TDG: variants seen among roughly 807,000 people sequenced by gnomAD.
The protein encoded by TDG is G/T mismatch-specific thymine DNA glycosylase.
A neutral mutation model predicts 46.1 loss-of-function variants in TDG; 23 were observed. The ratio of observed to expected loss-of-function variants is 0.50; its 90% CI spans 0.36 to 0.71. The LOEUF (loss-of-function observed/expected upper bound fraction) is 0.71. TDG is among the 30% of genes least tolerant of loss of function. The pLI is 0.00. For missense variants in TDG, 304 were observed against 486.7 expected, an observed-to-expected ratio of 0.62 and a Z score of 3.53; for synonymous variants, 115 against 161.3, an observed-to-expected ratio of 0.71 and a Z score of 2.18.
At chr12:103,981,097 GTGTC>G (rs1871800649) in intron 4 of TDG, 135 bp downstream of exon 4, 1 of 701,408 alleles carries the variant, frequency 1.4e-6, no homozygotes, top group Admixed American at 2.9e-5. Context: ...TTCTGTGTGT[GTGTC>G]TGTACGTGAA....
chr12:103,967,539 C>G (rs1871099821), intron 1 of TDG, among the ~76,000 whole-genome samples: 1 of 150,630 alleles, frequency 6.6e-6, no homozygotes. Context: ...TCACTGCAAC[C>G]TCCATCACCC....
chr12:103,978,131 A>T (rs962178448), intron 2 of TDG, among the ~76,000 whole-genome samples: 1 of 152,186 alleles, frequency 6.6e-6, no homozygotes, highest in African/African-American at 2.4e-5. Flanking sequence ...GATTAGAGAC[A>T]CTGTTTGAAT....
chr12:103,981,272 T>C (rs1325646642), intron 4 of TDG, among the ~76,000 whole-genome samples: 1 of 150,322 alleles, frequency 6.7e-6, no homozygotes, highest in Admixed American at 6.7e-5. Flanking sequence ...TTTCGCTCTT[T>C]TTGCGCAGAC....
At chr12:103,976,570 A>C (rs1381844101) in intron 1 of TDG, among the ~76,000 whole-genome samples, 1 of 152,232 alleles carries the variant, frequency 6.6e-6, no homozygotes, top group Non-Finnish European at 1.5e-5. Flanking sequence ...GGACATCTTA[A>C]CCCTGTATGG....
intron 1 of TDG, among the ~76,000 whole-genome samples, chr12:103,972,463 T>G (rs371187604): frequency 8.5e-5 from 13 of 152,176 alleles, no homozygotes; most frequent in Non-Finnish European, 1.8e-4. Context: ...TTTATGAAGA[T>G]TTTTGTGTAG....
chr12:103,987,206 T>C lies in TDG; in HGVS notation c.*116T>C. The C allele has an allele frequency of 1.4e-6, 2 of 1,448,964 alleles. No individual in the cohort carries two copies. Among genetic ancestry groups the C allele is most frequent in the South Asian group, 2.6e-5 (2 of 77,424 alleles). The allele number at this position is 1,448,964 out of a possible 1,614,324, so 89.8% of individuals were successfully genotyped here. On this transcript the variant is annotated 3_prime_UTR_variant, in exon 10 of 10. Coordinates refer to ENST00000392872, the MANE Select transcript of TDG (RefSeq NM_003211.6). ...TAGTATTTTACTCTAGTGGTGTAAT[T>C]GTAATGTAGAACAGTTGTGTGGTAG...
In TDG at chr12:103,979,428, G is replaced by A. The variant is rs143017295; in HGVS notation, c.167-403G>A. Among the ~76,000 whole-genome samples, 337 of 152,126 alleles carry A rather than the reference G, an allele frequency of 2.2e-3. 7 individuals are homozygous for A. Among genetic ancestry groups the A allele is most frequent in the African/African-American group, 7.7e-3 (319 of 41,492 alleles). ...CCATTTGTGGTTTTCTACTGGGGAA[G>A]TTGAGTTAAAATGTTTCCCTTCCTT... On this transcript the variant is annotated intron_variant, in intron 2 of 9. Coordinates refer to ENST00000392872, the MANE Select transcript of TDG (RefSeq NM_003211.6).
chr12:103,983,315 AAAG>A lies in TDG; in HGVS notation c.722_724del (p.Glu241del). 1 of 1,593,502 alleles carries A rather than the reference AAAG, an allele frequency of 6.3e-7. No individual in the cohort carries two copies. The stretch of plus-strand genomic sequence containing the variant: ...TTTAGGTATTTATGAAATTTTTAGT[AAAG>A]AAGTTTTTGGAGTAAAGGTTAAGAA... On this transcript the variant is annotated inframe_deletion, in exon 7 of 10. Transcript: ENST00000392872.
Position 103,984,755 on chromosome 12 carries a change from T to G in TDG, c.799T>G (p.Tyr267Asp). ...TAAAATGTTGTGATTCTAGCTCTGC[T>G]ATGTTATGCCATCATCCAGTGCAAG... Reference protein sequence around the residue: ...HKIPDTETLCYVMPSSSARCA... With the variant: ...HKIPDTETLCDVMPSSSARCA... Residue 267 changes from tyrosine (Y) to aspartate (D), a missense_variant, in exon 8 of 10, where the codon TAT becomes GAT. Coordinates refer to ENST00000392872, the MANE Select transcript of TDG (RefSeq NM_003211.6). The G allele has an allele frequency of 6.2e-7, 1 of 1,603,264 alleles. No homozygotes were observed. The highest frequency in any genetic ancestry group is 8.5e-7 in the Non-Finnish European group (1 of 1,172,942).
At chr12:103,982,961 G>T in intron 5 of TDG, 27 bp downstream of exon 5, 1 of 1,611,806 alleles carries the variant, frequency 6.2e-7, no homozygotes, top group South Asian at 1.1e-5. Context: ...TGCTTTTATG[G>T]GTTGGAACCT....
chr12:103,966,096 C>T (rs777517734), intron 1 of TDG, 36 bp downstream of exon 1: 1 of 1,538,550 alleles, frequency 6.5e-7, no homozygotes, highest in Middle Eastern at 1.7e-4. Flanking sequence ...TCCCTTGCGC[C>T]CCTCACTGCT....
intron 1 of TDG, among the ~76,000 whole-genome samples, chr12:103,967,448 T>C (rs1022836430): frequency 7.1e-6 from 1 of 141,556 alleles, no homozygotes; most frequent in Non-Finnish European, 1.5e-5. Flanking sequence ...TGAAAAAAAA[T>C]AAATTTACTT....
chr12:103,982,755 AC>A, intron 4 of TDG, 43 bp from the exon 5 acceptor site: 1 of 1,596,088 alleles, frequency 6.3e-7, no homozygotes. Context: ...ACAGAGCGAG[AC>A]CCTGTCTAAA....
In TDG at chr12:103,977,064, G is replaced by T; in HGVS notation, c.166+4G>T. On this transcript the variant is annotated splice_donor_region_variant and intron_variant, in intron 2 of 9. Transcript: ENST00000392872. ...CCTGCTCAGGAACCAGTGCAAGGTAGTTTCACCATGAGAGCTTAGAAAGTT... is the reference window on the plus strand; with the variant it reads ...CCTGCTCAGGAACCAGTGCAAGGTATTTTCACCATGAGAGCTTAGAAAGTT... 1 of 1,603,828 alleles carries T rather than the reference G, an allele frequency of 6.2e-7. No individual in the cohort carries two copies. The highest frequency in any genetic ancestry group is 1.3e-5 in the African/African-American group (1 of 74,278).
At chr12:103,986,745 T>C (rs1253248696) in intron 9 of TDG, 2 of 490,880 alleles carry the variant, frequency 4.1e-6, no homozygotes, top group Non-Finnish European at 3.6e-6. Context: ...AATAAGCTGA[T>C]ACGGTGGCTC....
At chr12:103,970,149 T>A (rs993308073) in intron 1 of TDG, among the ~76,000 whole-genome samples, 5 of 152,212 alleles carry the variant, frequency 3.3e-5, no homozygotes, top group Admixed American at 1.3e-4. Context: ...TGGTATATGC[T>A]TTTTTTAAGT....
intron 1 of TDG, chr12:103,972,830 G>C (rs544976604): frequency 2.2e-6 from 1 of 454,774 alleles, no homozygotes; most frequent in Admixed American, 3.9e-5. Flanking sequence ...TTGATTTTCA[G>C]CTTCTGAACC....
chr12:103,977,084 A>G (rs1425042213), intron 2 of TDG, 24 bp downstream of exon 2: 10 of 1,588,638 alleles, frequency 6.3e-6, no homozygotes, highest in Non-Finnish European at 8.5e-6. Context: ...GAGAGCTTAG[A>G]AAGTTCAACA....
intron 1 of TDG, among the ~76,000 whole-genome samples, chr12:103,975,035 A>G (rs1286949628): frequency 2.0e-5 from 3 of 151,932 alleles, no homozygotes; most frequent in Non-Finnish European, 2.9e-5. Context: ...CCAAATAGTA[A>G]AGCAAACTTT....
Sources: allele counts gnomAD v4.1 joint callset (sites outside exome capture counted in the v4.1 genomes callset), GRCh38; gene constraint gnomAD v4.1.1; transcripts MANE v1.5; gene names NCBI Gene and HGNC (gene_info 2026-07-23, HGNC 2026-07-21).